The following DENND1A variants were observed in gnomAD, a reference collection of about 807,000 sequenced individuals.
DENND1A encodes the protein DENN domain-containing protein 1A.
In DENND1A, 51 loss-of-function variants were observed where a neutral mutation model predicts 113.7. The ratio of observed to expected loss-of-function variants is 0.45; its 90% confidence interval spans 0.36 to 0.57. DENND1A has a LOEUF of 0.57. Ranked by LOEUF, DENND1A falls within the 20% of genes least tolerant of loss-of-function variation. The probability of loss-of-function intolerance (pLI) is 0.00; values close to 1 mark genes in which losing one functional copy is unlikely to be tolerated. For synonymous variants in DENND1A, 565 were observed against 570.8 expected, an observed-to-expected ratio of 0.99 and a Z score of 0.14; for missense variants, 1,258 against 1,395.9, an observed-to-expected ratio of 0.90 and a Z score of 1.57.
chr9:123,604,115 C>A (rs915977724), intron 11 of DENND1A, among the ~76,000 whole-genome samples: 10 of 152,204 alleles, frequency 6.6e-5, no homozygotes, highest in African/African-American at 2.4e-4. Context: ...GCCTCCAAGG[C>A]CCTGGATGGG....
chr9:123,436,143 G>C (rs1235064842), intron 19 of DENND1A, among the ~76,000 whole-genome samples: 1 of 152,168 alleles, frequency 6.6e-6, no homozygotes, highest in Non-Finnish European at 1.5e-5. Context: ...GAAAACCAGG[G>C]GGGAATCCTT....
At chr9:123,627,557 A>G (rs532115220) in intron 10 of DENND1A, among the ~76,000 whole-genome samples, 31 of 152,108 alleles carry the variant, frequency 2.0e-4, no homozygotes, top group Non-Finnish European at 4.1e-4. Context: ...CTGGCTAACA[A>G]GGGAAACTCC....
chr9:123,540,481 A>C (rs1463913266), intron 13 of DENND1A, among the ~76,000 whole-genome samples: 1 of 152,222 alleles, frequency 6.6e-6, no homozygotes, highest in East Asian at 1.9e-4. Context: ...TGTCTTGGTG[A>C]GTCCTAAAGA....
At chr9:123,671,640 A>G (rs1206753286) in intron 6 of DENND1A, among the ~76,000 whole-genome samples, 5 of 152,172 alleles carry the variant, frequency 3.3e-5, no homozygotes, top group Non-Finnish European at 5.9e-5. Context: ...ATATACCATA[A>G]GCTCTCAGCA....
chr9:123,785,666 G>A (rs1231029237), intron 3 of DENND1A, among the ~76,000 whole-genome samples: 1 of 152,148 alleles, frequency 6.6e-6, no homozygotes, highest in African/African-American at 2.4e-5. Flanking sequence ...CTTCAGAACA[G>A]CTACATTTGG....
intron 3 of DENND1A, among the ~76,000 whole-genome samples, chr9:123,775,517 A>G (rs1042733691): frequency 7.9e-5 from 12 of 152,130 alleles, no homozygotes; most frequent in African/African-American, 2.9e-4. Context: ...ATACTATTTT[A>G]AAAGAAAAGG....
At chr9:123,401,668 A>C (rs2043473676) in intron 21 of DENND1A, 44 of 1,484,290 alleles carry the variant, frequency 3.0e-5, no homozygotes, top group Non-Finnish European at 3.7e-5. Flanking sequence ...AACAAACAAC[A>C]AACCAACCAA....
chr9:123,804,984 C>T (rs1005770892), intron 2 of DENND1A, among the ~76,000 whole-genome samples: 3 of 152,142 alleles, frequency 2.0e-5, no homozygotes, highest in Non-Finnish European at 4.4e-5. Flanking sequence ...CCTAACTCTC[C>T]TCTCCTAACT....
chr9:123,642,180 A>C (rs539239948), intron 9 of DENND1A, among the ~76,000 whole-genome samples: 1 of 152,316 alleles, frequency 6.6e-6, no homozygotes, highest in East Asian at 1.9e-4. Flanking sequence ...ATAAGAGAAA[A>C]CCAATTCACA....
At chr9:123,737,768 T>C (rs1299808010) in intron 5 of DENND1A, among the ~76,000 whole-genome samples, 2 of 152,218 alleles carry the variant, frequency 1.3e-5, no homozygotes, top group African/African-American at 2.4e-5. Flanking sequence ...GCAATGCTCA[T>C]CTTTCAAAAT....
intron 2 of DENND1A, among the ~76,000 whole-genome samples, chr9:123,831,139 C>T (rs1840154396): frequency 6.6e-6 from 1 of 152,120 alleles, no homozygotes; most frequent in Non-Finnish European, 1.5e-5. Flanking sequence ...CAAAATTTAA[C>T]TGTATTTCAA....
At chr9:123,926,700 C>G (rs951636692) in intron 1 of DENND1A, among the ~76,000 whole-genome samples, 1 of 150,790 alleles carries the variant, frequency 6.6e-6, no homozygotes, top group Admixed American at 6.6e-5. Flanking sequence ...GATAAACACT[C>G]AACTCGGTCT....
At chr9:123,708,805 C>T (rs1057077803) in intron 5 of DENND1A, among the ~76,000 whole-genome samples, 1 of 152,148 alleles carries the variant, frequency 6.6e-6, no homozygotes, top group African/African-American at 2.4e-5. Context: ...TCTGTTTTAG[C>T]ATTCTCAGTA....
intron 2 of DENND1A, among the ~76,000 whole-genome samples, chr9:123,858,374 G>A (rs1315692620): frequency 2.0e-5 from 3 of 152,168 alleles, no homozygotes; most frequent in South Asian, 2.1e-4. Flanking sequence ...CTGTAACTTT[G>A]ATATTGTTTA....
At chr9:123,647,658 T>C (rs982400821) in intron 9 of DENND1A, among the ~76,000 whole-genome samples, 1 of 152,222 alleles carries the variant, frequency 6.6e-6, no homozygotes, top group East Asian at 1.9e-4. Flanking sequence ...AATGAAATCA[T>C]ACTGAACAGT....
chr9:123,519,218 G>A (rs1041630077), intron 13 of DENND1A, among the ~76,000 whole-genome samples: 5 of 152,138 alleles, frequency 3.3e-5, no homozygotes, highest in East Asian at 3.8e-4. Flanking sequence ...ATGGTACATC[G>A]GTCTGTCTCC....
intron 19 of DENND1A, chr9:123,413,564 C>T: frequency 2.0e-6 from 2 of 985,522 alleles, no homozygotes; most frequent in Non-Finnish European, 2.4e-6. Context: ...TGCATGGAAC[C>T]TGTCGGGGCA....
At chr9:123,639,039 T>TAAAA (rs750972974) in intron 9 of DENND1A, among the ~76,000 whole-genome samples, 1,690 of 30,830 alleles carry the variant, frequency 0.055, 72 homozygotes, top group Admixed American at 0.081. Flanking sequence ...GCATGAGTAG[T>TAAAA]AAAAAAAAAA....
chr9:123,898,199 A>G (rs1851070551), intron 1 of DENND1A, among the ~76,000 whole-genome samples: 1 of 151,634 alleles, frequency 6.6e-6, no homozygotes, highest in African/African-American at 2.4e-5. Flanking sequence ...GATGCTGAGC[A>G]TTTTTTCTTG....
Sources: gnomAD v4.1 joint callset for allele counts (sites outside exome capture counted in the v4.1 genomes callset) on GRCh38, gnomAD v4.1.1 for gene constraint, MANE v1.5 for transcripts, NCBI Gene and HGNC (gene_info 2026-07-23, HGNC 2026-07-21) for gene names.